Variants in CAPN8 observed in about 807,000 individuals in gnomAD.
The protein encoded by CAPN8 is calpain 8.
In CAPN8, 87 loss-of-function variants were observed where a neutral mutation model predicts 80.9. The ratio of observed to expected loss-of-function variants is 1.07; its 90% CI spans 0.90 to 1.28. The LOEUF is 1.28. Ranked by LOEUF, CAPN8 falls within the 50% of genes most tolerant of loss-of-function variation. The probability of loss-of-function intolerance (pLI) is 0.00; values close to 1 mark genes in which losing one functional copy is unlikely to be tolerated. For missense variants in CAPN8, 757 were observed against 702.0 expected, an observed-to-expected ratio of 1.08 and a Z score of -0.89; for synonymous variants, 299 against 273.8, an observed-to-expected ratio of 1.09 and a Z score of -0.91.
rs1343757752 is a variant in CAPN8, at chr1:223,544,168, C to T, written c.1928G>A (p.Ser643Asn). 1 of 718,020 alleles carries T rather than the reference C, an allele frequency of 1.4e-6. No homozygotes were observed. Among genetic ancestry groups the T allele is most frequent in the African/African-American group, 1.7e-5 (1 of 57,272 alleles). 44.5% of individuals were successfully genotyped at this position (718,020 alleles called of 1,614,324 possible). A position where few individuals can be genotyped will look rare whatever the true frequency, so the allele number is the denominator to read the frequency against. ...CAGGGCAATGGTCTGCTGCACCTGG[C>T]TGTTGAGGGTGAAACCTGAGGGCAG... is the stretch of plus-strand genomic sequence containing the variant. ...ALRKAGFTLN[S>N]QVQQTIALRY... is the part of the protein sequence containing the mutation. The change falls in exon 19 of 21, where the codon AGC becomes AAC. Residue 643 changes from serine (S) to asparagine (N), a missense_variant. Coordinates refer to ENST00000366872, the MANE Select transcript of CAPN8 (RefSeq NM_001143962.2).
intron 2 of CAPN8, among the ~76,000 whole-genome samples, chr1:223,632,016 G>C: frequency 1.5e-5 from 1 of 67,914 alleles, no homozygotes; most frequent in African/African-American, 8.4e-5. Context: ...TCAAGTCACG[G>C]CAACAAAATG....
chr1:223,635,501 G>A (rs912609835), intron 2 of CAPN8, among the ~76,000 whole-genome samples: 29 of 152,368 alleles, frequency 1.9e-4, no homozygotes, highest in Admixed American at 5.2e-4. Context: ...AAGCTGCCTG[G>A]AGGCAGACAG....
At chr1:223,552,868 AAAAT>A (rs1425429886) in intron 14 of CAPN8, among the ~76,000 whole-genome samples, 5 of 152,186 alleles carry the variant, frequency 3.3e-5, no homozygotes, top group African/African-American at 1.2e-4. Context: ...TGTTCTTAAT[AAAAT>A]ATGGCCCTTG....
At chr1:223,647,740 G>A (rs901473551) in intron 2 of CAPN8, among the ~76,000 whole-genome samples, 5 of 151,978 alleles carry the variant, frequency 3.3e-5, no homozygotes, top group African/African-American at 1.2e-4. Context: ...AAAAAATAGG[G>A]CCATAAAAAA....
At chr1:223,631,373 C>T (rs963729682) in intron 2 of CAPN8, among the ~76,000 whole-genome samples, 1 of 152,172 alleles carries the variant, frequency 6.6e-6, no homozygotes, top group South Asian at 2.1e-4. Context: ...TGCATCAACT[C>T]CTTGGCAGAG....
rs371114131 is a variant in CAPN8 at position 223,656,716 on chromosome 1, C to T, written c.238-2317G>A. Among the ~76,000 whole-genome samples the T allele has an allele frequency of 1.0e-4, 13 of 130,566 alleles. No homozygotes were observed. In the East Asian group the frequency reaches 2.2e-3, roughly 22 times the overall value. The allele number at this position is 130,566 out of a possible 152,430, so 85.7% of individuals were successfully genotyped here. A position where few individuals can be genotyped will look rare whatever the true frequency, so the allele number is the denominator to read the frequency against. ...TTTTTTTTTTTGAGACGGGGTCTCG[C>T]TCTTTGGCCCAAGCCAGAATGCAGT... On this transcript the variant is annotated intron_variant, in intron 1 of 20. Coordinates refer to ENST00000366872, the MANE Select transcript of CAPN8 (RefSeq NM_001143962.2).
chr1:223,656,103 T>A (rs1410501628), intron 1 of CAPN8, among the ~76,000 whole-genome samples: 3 of 151,566 alleles, frequency 2.0e-5, no homozygotes, highest in Non-Finnish European at 4.4e-5. Context: ...CCATAGCCTC[T>A]ATAAGGTGCT....
At position 223,541,630 on chromosome 1, in the gene CAPN8, TTTAA is replaced by T; in HGVS notation, c.*202_*205del. On this transcript the variant is annotated 3_prime_UTR_variant, in exon 21 of 21. Coordinates refer to ENST00000366872, the MANE Select transcript of CAPN8 (RefSeq NM_001143962.2). The stretch of plus-strand genomic sequence containing the variant: ...GGTGGAAACCATTCTGGCTCACAAC[TTTAA>T]TTGATTGCTTTCCCTCCACTGGGCC... The T allele has an allele frequency of 1.5e-6, 1 of 681,652 alleles. No individual in the cohort carries two copies. Among genetic ancestry groups the T allele is most frequent in the Non-Finnish European group, 2.6e-6 (1 of 391,948 alleles). 42.2% of individuals were successfully genotyped at this position (681,652 alleles called of 1,614,324 possible). A position where few individuals can be genotyped will look rare whatever the true frequency, so the allele number is the denominator to read the frequency against.
chr1:223,610,798 G>C (rs1657010870), intron 11 of CAPN8, among the ~76,000 whole-genome samples: 1 of 152,144 alleles, frequency 6.6e-6, no homozygotes, highest in Non-Finnish European at 1.5e-5. Flanking sequence ...TCAGCTCAAA[G>C]TTACAGGATG....
intron 1 of CAPN8, among the ~76,000 whole-genome samples, chr1:223,657,753 G>A (rs1658538321): frequency 1.3e-5 from 2 of 152,142 alleles, no homozygotes; most frequent in Admixed American, 6.5e-5. Context: ...GCAACAGAGT[G>A]AGACTCTGTC....
Position 223,648,583 on chromosome 1 carries a change from G to A in CAPN8, c.307+5747C>T, listed in dbSNP as rs148109819. Among the ~76,000 whole-genome samples the A allele has an allele frequency of 1.9e-3, 295 of 152,324 alleles. 1 individual carries two copies. The highest frequency in any genetic ancestry group is 6.3e-3 in the African/African-American group (262 of 41,576). ...TCCAGGAGCCCAGGCCTCGCTCCAT[G>A]GGGGAGCGTGGACTCACAGAGGAAA... is the stretch of plus-strand genomic sequence containing the variant. On this transcript the variant is annotated intron_variant, in intron 2 of 20. Transcript: ENST00000366872.
At chr1:223,646,774 G>A (rs1658206008) in intron 2 of CAPN8, among the ~76,000 whole-genome samples, 1 of 152,238 alleles carries the variant, frequency 6.6e-6, no homozygotes, top group Non-Finnish European at 1.5e-5. Context: ...CTGGGACGAT[G>A]TCTGCAAAAC....
At chr1:223,655,689 C>G (rs544438874) in intron 1 of CAPN8, among the ~76,000 whole-genome samples, 13 of 151,832 alleles carry the variant, frequency 8.6e-5, no homozygotes, top group Admixed American at 6.6e-4. Context: ...TGAGAAGGGC[C>G]CAACAGGGAT....
rs988544496 is a variant in CAPN8, at chr1:223,553,282, G to A, written c.1641+550C>T. Among the ~76,000 whole-genome samples the A allele has an allele frequency of 1.5e-4, 23 of 152,256 alleles. No homozygotes were observed. The East Asian group carries it at 4.1e-3, about 27-fold the overall frequency. ...GGGCAGGGGAGAAGGATCAGGGGTC[G>A]CTTCTTTCTCTGCTCCAAGTGCCCA... On this transcript the variant is annotated intron_variant, in intron 14 of 20. Coordinates refer to ENST00000366872, the MANE Select transcript of CAPN8 (RefSeq NM_001143962.2).
At chr1:223,549,061 A>G (rs1656710697) in intron 16 of CAPN8, among the ~76,000 whole-genome samples, 2 of 152,096 alleles carry the variant, frequency 1.3e-5, no homozygotes, top group Admixed American at 1.3e-4. Context: ...ATGATTTTAA[A>G]TAAGTCACCT....
At chr1:223,650,683 G>T (rs1268924500) in intron 2 of CAPN8, among the ~76,000 whole-genome samples, 3 of 152,116 alleles carry the variant, frequency 2.0e-5, no homozygotes, top group African/African-American at 7.2e-5. Context: ...AGCCAACAAT[G>T]CCGTTCCCCT....
intron 1 of CAPN8, among the ~76,000 whole-genome samples, chr1:223,654,842 ATTTTT>A (rs35365292): frequency 2.7e-5 from 3 of 111,718 alleles, no homozygotes; most frequent in East Asian, 5.2e-4. Flanking sequence ...CACCCGGCTA[ATTTTT>A]TTTTTTTTTT....
chr1:223,549,435 G>A (rs1048892959), intron 15 of CAPN8, 53 bp from the exon 16 acceptor site: 67 of 1,550,238 alleles, frequency 4.3e-5, no homozygotes, highest in Non-Finnish European at 5.7e-5. Flanking sequence ...TGAAGGTGAG[G>A]GAAAGAACCT....
intron 2 of CAPN8, among the ~76,000 whole-genome samples, chr1:223,649,884 A>C (rs1658300116): frequency 6.6e-6 from 1 of 152,186 alleles, no homozygotes; most frequent in Non-Finnish European, 1.5e-5. Flanking sequence ...GGACTCCCAG[A>C]GTTATTACCA....
Sources: allele counts gnomAD v4.1 joint callset (sites outside exome capture counted in the v4.1 genomes callset), GRCh38; gene constraint gnomAD v4.1.1; transcripts MANE v1.5; gene names NCBI Gene and HGNC (gene_info 2026-07-23, HGNC 2026-07-21).